Variants in LPAR3 observed in about 807,000 individuals in gnomAD.
The protein encoded by LPAR3 is lysophosphatidic acid receptor 3.
A neutral mutation model predicts 17.8 loss-of-function variants in LPAR3; 7 were observed. That is an observed-to-expected ratio of 0.39 (90% CI 0.22 to 0.74). The LOEUF is 0.74. Ranked by LOEUF, LPAR3 falls within the 30% of genes least tolerant of loss-of-function variation. LPAR3 has a pLI of 0.40. For synonymous variants in LPAR3, 179 were observed against 179.9 expected, an observed-to-expected ratio of 0.99 and a Z score of 0.04; for missense variants, 391 against 453.4, an observed-to-expected ratio of 0.86 and a Z score of 1.25.
intron 2 of LPAR3, among the ~76,000 whole-genome samples, chr1:84,821,103 A>C (rs1659043787): frequency 6.6e-6 from 1 of 151,330 alleles, no homozygotes; most frequent in South Asian, 2.1e-4. Context: ...TTTTTTTTAA[A>C]GTTTGAAATC....
chr1:84,863,250 T>C (rs1659974934), intron 2 of LPAR3, among the ~76,000 whole-genome samples: 1 of 152,142 alleles, frequency 6.6e-6, no homozygotes, highest in African/African-American at 2.4e-5. Flanking sequence ...AATTTTAGTA[T>C]TTTTCATAGA....
At chr1:84,825,348 A>C (rs1044878042) in intron 2 of LPAR3, among the ~76,000 whole-genome samples, 4 of 152,224 alleles carry the variant, frequency 2.6e-5, no homozygotes, top group Admixed American at 2.6e-4. Context: ...GGCATTTGTT[A>C]AGTGTCAGGC....
At chr1:84,815,182 C>T (rs1047012576) in intron 2 of LPAR3, among the ~76,000 whole-genome samples, 1 of 152,184 alleles carries the variant, frequency 6.6e-6, no homozygotes, top group African/African-American at 2.4e-5. Flanking sequence ...GATCAAATAA[C>T]TCTTAAGAGA....
At chr1:84,864,650 T>C (rs1435576735) in intron 2 of LPAR3, among the ~76,000 whole-genome samples, 2 of 151,928 alleles carry the variant, frequency 1.3e-5, no homozygotes, top group East Asian at 1.9e-4. Context: ...GGCATGGTGG[T>C]GCGCTGCCTG....
chr1:84,890,769 T>C (rs999280293), intron 1 of LPAR3, among the ~76,000 whole-genome samples: 17 of 152,180 alleles, frequency 1.1e-4, no homozygotes, highest in African/African-American at 4.1e-4. Context: ...ATTTCAGTTA[T>C]AGTGATTCCC....
chr1:84,866,166 A>C, intron 1 of LPAR3, 28 bp from the exon 2 acceptor site: 1 of 1,492,358 alleles, frequency 6.7e-7, no homozygotes, highest in Non-Finnish European at 9.0e-7. Context: ...GAAGAAACAA[A>C]TATCATTTGT....
At chr1:84,815,984 T>C (rs114895761) in intron 2 of LPAR3, among the ~76,000 whole-genome samples, 44 of 152,314 alleles carry the variant, frequency 2.9e-4, no homozygotes, top group African/African-American at 1.1e-3. Context: ...AGATTTGGGT[T>C]CTAATTCTTC....
intron 1 of LPAR3, among the ~76,000 whole-genome samples, chr1:84,872,728 C>T (rs191448659): frequency 1.2e-3 from 178 of 152,228 alleles, no homozygotes; most frequent in Non-Finnish European, 2.0e-3. Flanking sequence ...TATATGTAGG[C>T]TGTACACAGG....
intron 1 of LPAR3, among the ~76,000 whole-genome samples, chr1:84,868,163 G>A (rs1660089813): frequency 6.6e-6 from 1 of 152,048 alleles, no homozygotes; most frequent in Non-Finnish European, 1.5e-5. Context: ...AGGCTGGAGT[G>A]CAGTGGTGCA....
intron 2 of LPAR3, among the ~76,000 whole-genome samples, chr1:84,849,559 C>A (rs995386362): frequency 2.6e-5 from 4 of 152,004 alleles, no homozygotes; most frequent in Non-Finnish European, 5.9e-5. Context: ...GGAACACTGT[C>A]TCCCTGACTC....
At chr1:84,892,653 T>G (rs531559106) in intron 1 of LPAR3, among the ~76,000 whole-genome samples, 1 of 152,292 alleles carries the variant, frequency 6.6e-6, no homozygotes, top group African/African-American at 2.4e-5. Flanking sequence ...TCGATGGCAA[T>G]GAGACTGAGT....
intron 2 of LPAR3, among the ~76,000 whole-genome samples, chr1:84,822,559 C>A (rs1659077871): frequency 6.6e-6 from 1 of 152,140 alleles, no homozygotes; most frequent in Non-Finnish European, 1.5e-5. Context: ...TCGATAACAA[C>A]CCCCACACCC....
At chr1:84,824,397 A>G (rs1200768357) in intron 2 of LPAR3, among the ~76,000 whole-genome samples, 1 of 152,160 alleles carries the variant, frequency 6.6e-6, no homozygotes, top group Non-Finnish European at 1.5e-5. Context: ...CTGGGCTCAG[A>G]TATGACCTAG....
intron 1 of LPAR3, among the ~76,000 whole-genome samples, chr1:84,873,979 C>T (rs1660206842): frequency 6.6e-6 from 1 of 152,144 alleles, no homozygotes; most frequent in South Asian, 2.1e-4. Flanking sequence ...TCTAGAACTC[C>T]TGACCTCAAG....
intron 2 of LPAR3, among the ~76,000 whole-genome samples, chr1:84,852,764 G>C (rs541509551): frequency 3.0e-4 from 46 of 152,234 alleles, no homozygotes; most frequent in Non-Finnish European, 5.7e-4. Flanking sequence ...ACAAGCAGCA[G>C]AGAAGGAACA....
chr1:84,859,534 A>G (rs930035832), intron 2 of LPAR3, among the ~76,000 whole-genome samples: 8 of 152,230 alleles, frequency 5.3e-5, no homozygotes, highest in Non-Finnish European at 1.0e-4. Flanking sequence ...ACGATAACTC[A>G]TGATAGGAAA....
At chr1:84,878,862 C>G (rs1013793608) in intron 1 of LPAR3, among the ~76,000 whole-genome samples, 2 of 152,138 alleles carry the variant, frequency 1.3e-5, no homozygotes, top group African/African-American at 4.8e-5. Flanking sequence ...TGGTGTTTTC[C>G]TTGGGCTCAG....
At chr1:84,855,477 T>C (rs1477957919) in intron 2 of LPAR3, among the ~76,000 whole-genome samples, 1 of 152,190 alleles carries the variant, frequency 6.6e-6, no homozygotes, top group African/African-American at 2.4e-5. Flanking sequence ...CCTCTCCCTA[T>C]ACCTTCTTTT....
chr1:84,875,648 T>C (rs1660242575), intron 1 of LPAR3, among the ~76,000 whole-genome samples: 1 of 152,220 alleles, frequency 6.6e-6, no homozygotes, highest in African/African-American at 2.4e-5. Flanking sequence ...AATTACCCAG[T>C]CTCTGGTATT....
Sources: allele counts gnomAD v4.1 joint callset (sites outside exome capture counted in the v4.1 genomes callset), GRCh38; gene constraint gnomAD v4.1.1; transcripts MANE v1.5; gene names NCBI Gene and HGNC (gene_info 2026-07-23, HGNC 2026-07-21).